The following CDH18 variants were observed in gnomAD, a reference collection of about 807,000 sequenced individuals.
The protein encoded by CDH18 is cadherin 18, also known as cadherin-18.
A neutral mutation model predicts 67.9 loss-of-function variants in CDH18; 31 were observed. That is an observed-to-expected ratio of 0.46 (90% CI 0.34 to 0.62). The LOEUF (loss-of-function observed/expected upper bound fraction) is 0.62. CDH18 is among the 20% of genes least tolerant of loss of function. The pLI is 0.01. For synonymous variants in CDH18, 362 were observed against 347.2 expected, an observed-to-expected ratio of 1.04 and a Z score of -0.48; for missense variants, 890 against 975.5, an observed-to-expected ratio of 0.91 and a Z score of 1.17.
chr5:20,511,946 A>G (rs971698741), intron 1 of CDH18, among the ~76,000 whole-genome samples: 4 of 152,154 alleles, frequency 2.6e-5, no homozygotes, highest in Admixed American at 6.6e-5. Context: ...TTTAAAAAAC[A>G]GGCTGGGTGT....
chr5:20,557,173 G>A (rs1277072991), intron 1 of CDH18, among the ~76,000 whole-genome samples: 1 of 151,876 alleles, frequency 6.6e-6, no homozygotes, highest in Non-Finnish European at 1.5e-5. Flanking sequence ...ATGTGTTAGT[G>A]TTTTCTTTTT....
chr5:20,075,221 T>G (rs1360790387), intron 2 of CDH18, among the ~76,000 whole-genome samples: 1 of 151,992 alleles, frequency 6.6e-6, no homozygotes, highest in African/African-American at 2.4e-5. Context: ...TCCTGAAGAG[T>G]TGGCTGGACG....
chr5:19,923,069 G>T (rs949605432), intron 2 of CDH18, among the ~76,000 whole-genome samples: 2 of 152,022 alleles, frequency 1.3e-5, no homozygotes, highest in Non-Finnish European at 2.9e-5. Flanking sequence ...GAGCAATAGG[G>T]TACATTATAA....
chr5:20,421,827 C>CATATATATAT (rs139825417), intron 1 of CDH18, among the ~76,000 whole-genome samples: 7 of 147,600 alleles, frequency 4.7e-5, no homozygotes, highest in African/African-American at 1.8e-4. Context: ...ATATATCAAT[C>CATATATATAT]ATATATATAT....
At chr5:20,280,286 G>T (rs1342261156) in intron 1 of CDH18, among the ~76,000 whole-genome samples, 1 of 151,552 alleles carries the variant, frequency 6.6e-6, no homozygotes, top group Non-Finnish European at 1.5e-5. Context: ...GTACACATGT[G>T]CCATTTTGGT....
At chr5:19,925,707 T>G (rs1793005673) in intron 2 of CDH18, among the ~76,000 whole-genome samples, 2 of 152,058 alleles carry the variant, frequency 1.3e-5, no homozygotes, top group Admixed American at 1.3e-4. Context: ...AAGCTGGTCT[T>G]GAACTCCTGA....
At chr5:20,382,461 G>A (rs952996561) in intron 1 of CDH18, among the ~76,000 whole-genome samples, 9 of 152,042 alleles carry the variant, frequency 5.9e-5, no homozygotes, top group Admixed American at 5.2e-4. Flanking sequence ...GAAGACATTG[G>A]CTTTCACAGT....
intron 2 of CDH18, among the ~76,000 whole-genome samples, chr5:20,047,917 G>A (rs959137685): frequency 6.6e-6 from 1 of 151,698 alleles, no homozygotes; most frequent in African/African-American, 2.4e-5. Context: ...AACTAAGAAT[G>A]TTTAGTGAGA....
intron 2 of CDH18, among the ~76,000 whole-genome samples, chr5:19,934,266 C>T (rs1794010333): frequency 6.6e-6 from 1 of 151,400 alleles, no homozygotes; most frequent in Non-Finnish European, 1.5e-5. Flanking sequence ...GTGAGAAGGA[C>T]TTAATGTGCT....
At chr5:20,557,937 A>AGTTATATACCATTAATT in intron 1 of CDH18, among the ~76,000 whole-genome samples, 3 of 55,840 alleles carry the variant, frequency 5.4e-5, no homozygotes, top group Admixed American at 2.2e-4. Context: ...TTAATGTTAT[A>AGTTATATACCATTAATT]GTTATATAAC....
chr5:19,774,808 CAAAAAAAAAAAAAAAAAAAAA>C (rs59248561), intron 3 of CDH18, among the ~76,000 whole-genome samples: 46 of 35,412 alleles, frequency 1.3e-3, no homozygotes, highest in Admixed American at 6.3e-3. Context: ...GACTCTGTCT[CAAAAAAAAAAAAAAAAAAAAA>C]AAAAAAAAAA....
chr5:20,067,580 A>G (rs1743089894), intron 2 of CDH18, among the ~76,000 whole-genome samples: 1 of 152,096 alleles, frequency 6.6e-6, no homozygotes, highest in African/African-American at 2.4e-5. Context: ...CTAATGTATT[A>G]ATACTATCTA....
At chr5:19,782,284 A>G (rs1775206949) in intron 3 of CDH18, among the ~76,000 whole-genome samples, 1 of 152,232 alleles carries the variant, frequency 6.6e-6, no homozygotes, top group Middle Eastern at 3.4e-3. Context: ...TGAAACCATC[A>G]GATCTCCTGA....
intron 1 of CDH18, among the ~76,000 whole-genome samples, chr5:20,346,853 G>A (rs1740740645): frequency 1.3e-5 from 2 of 152,178 alleles, no homozygotes; most frequent in African/African-American, 2.4e-5. Context: ...ACAATATGCT[G>A]AAGATGCTGT....
chr5:19,523,714 T>C (rs188767358), intron 9 of CDH18, among the ~76,000 whole-genome samples: 60 of 152,232 alleles, frequency 3.9e-4, no homozygotes, highest in African/African-American at 1.4e-3. Flanking sequence ...GAAAGGCCTA[T>C]AAAGTTAACT....
At chr5:19,515,787 CA>C (rs1745889881) in intron 10 of CDH18, among the ~76,000 whole-genome samples, 2 of 152,136 alleles carry the variant, frequency 1.3e-5, no homozygotes, top group Admixed American at 1.3e-4. Flanking sequence ...ACAATCATGT[CA>C]TCTGCAAACA....
At chr5:20,451,535 TTTTG>T (rs1750451896) in intron 1 of CDH18, among the ~76,000 whole-genome samples, 1 of 152,136 alleles carries the variant, frequency 6.6e-6, no homozygotes, top group African/African-American at 2.4e-5. Context: ...TTTAGAAAAT[TTTTG>T]TTTATGATTT....
At position 20,573,902 on chromosome 5, in the gene CDH18, T is replaced by C. The variant is rs1007830418; in HGVS notation, c.-580+1560A>G. Among the ~76,000 whole-genome samples the C allele has an allele frequency of 2.6e-4, 33 of 124,968 alleles. 1 individual carries two copies. The highest frequency in any genetic ancestry group is 3.8e-4 in the Admixed American group (5 of 13,066). 82.0% of individuals were successfully genotyped at this position (124,968 alleles called of 152,430 possible). On this transcript the variant is annotated intron_variant, in intron 1 of 14. Transcript: ENST00000507958. ...TTTATATATATAAAAGAAATATATA[T>C]ATGTATTTATATATATAAAAGAAAT...
intron 2 of CDH18, among the ~76,000 whole-genome samples, chr5:20,221,163 A>G (rs576305007): frequency 6.6e-6 from 1 of 152,144 alleles, no homozygotes; most frequent in African/African-American, 2.4e-5. Flanking sequence ...CTGCACTCTC[A>G]TGTTTATTTC....
Sources: gnomAD v4.1 joint callset for allele counts (sites outside exome capture counted in the v4.1 genomes callset) on GRCh38, gnomAD v4.1.1 for gene constraint, MANE v1.5 for transcripts, NCBI Gene and HGNC (gene_info 2026-07-23, HGNC 2026-07-21) for gene names.